Variants in MECOM observed in about 807,000 individuals in gnomAD.
MECOM encodes the protein MDS1 and EVI1 complex locus.
In MECOM, 13 loss-of-function variants were observed where a neutral mutation model predicts 116.3. The observed-to-expected ratio is 0.11, with a 90% CI of 0.07 to 0.18. The LOEUF is 0.18. Ranked by LOEUF, MECOM falls within the 10% of genes least tolerant of loss-of-function variation. MECOM has a pLI of 1.00. For synonymous variants in MECOM, 528 were observed against 535.2 expected, an observed-to-expected ratio of 0.99 and a Z score of 0.19; for missense variants, 1,299 against 1,509.0, an observed-to-expected ratio of 0.86 and a Z score of 2.31.
At chr3:169,454,362 T>G (rs997514190) in intron 1 of MECOM, among the ~76,000 whole-genome samples, 14 of 139,474 alleles carry the variant, frequency 1.0e-4, no homozygotes, top group Non-Finnish European at 1.8e-4. Context: ...TAGAAACTTA[T>G]GATGGTAATG....
At chr3:169,433,565 GAAGGAAGGAAGGAAAA>G (rs1370085083) in intron 1 of MECOM, among the ~76,000 whole-genome samples, 4 of 147,296 alleles carry the variant, frequency 2.7e-5, no homozygotes, top group Non-Finnish European at 6.0e-5. Context: ...AAAGAGGAAG[GAAGGAAGGAAGGAAAA>G]AAGGAAGGAA....
At chr3:169,175,537 A>G (rs1470924425) in intron 2 of MECOM, among the ~76,000 whole-genome samples, 1 of 152,184 alleles carries the variant, frequency 6.6e-6, no homozygotes, top group Non-Finnish European at 1.5e-5. Flanking sequence ...ATATGCAAAT[A>G]TTCCAAAATC....
chr3:169,205,670 G>T (rs916871837), intron 2 of MECOM, among the ~76,000 whole-genome samples: 56 of 152,288 alleles, frequency 3.7e-4, no homozygotes, highest in Middle Eastern at 3.4e-3. Flanking sequence ...TCAGGAAGAG[G>T]AAGATTGACA....
intron 10 of MECOM, among the ~76,000 whole-genome samples, chr3:169,104,472 A>G (rs1415170022): frequency 6.6e-6 from 1 of 152,200 alleles, no homozygotes; most frequent in Non-Finnish European, 1.5e-5. Context: ...GATTAGTACT[A>G]CTAACAAGCA....
At chr3:169,629,469 C>G (rs1001915826) in intron 1 of MECOM, among the ~76,000 whole-genome samples, 5 of 151,928 alleles carry the variant, frequency 3.3e-5, no homozygotes, top group African/African-American at 1.2e-4. Context: ...GCCCCATGTG[C>G]CCACCCCCAT....
intron 1 of MECOM, among the ~76,000 whole-genome samples, chr3:169,546,875 A>G (rs1416968888): frequency 2.6e-5 from 4 of 152,234 alleles, no homozygotes; most frequent in African/African-American, 9.6e-5. Flanking sequence ...GAGCTATCCA[A>G]TATGTGATGG....
chr3:169,567,377 G>A (rs1763365087), intron 1 of MECOM, among the ~76,000 whole-genome samples: 1 of 152,184 alleles, frequency 6.6e-6, no homozygotes, highest in Admixed American at 6.5e-5. Context: ...GCATGTGGCA[G>A]GACTTGGATT....
At chr3:169,141,113 C>T (rs1737970047) in intron 3 of MECOM, among the ~76,000 whole-genome samples, 1 of 152,008 alleles carries the variant, frequency 6.6e-6, no homozygotes, top group South Asian at 2.1e-4. Context: ...TCAATTTATA[C>T]ACTCTTGTTT....
chr3:169,141,357 T>C (rs888470314), intron 3 of MECOM, among the ~76,000 whole-genome samples: 1 of 152,016 alleles, frequency 6.6e-6, no homozygotes, highest in Non-Finnish European at 1.5e-5. Flanking sequence ...GACAGGTGAG[T>C]TGATGTCATT....
intron 2 of MECOM, among the ~76,000 whole-genome samples, chr3:169,380,442 ATAGTTACCT>A (rs1560201180): frequency 6.6e-6 from 1 of 152,194 alleles, no homozygotes; most frequent in Non-Finnish European, 1.5e-5. Context: ...GAAGAATAAC[ATAGTTACCT>A]GTCTTTATTG....
chr3:169,507,952 G>A (rs892242500), intron 1 of MECOM, among the ~76,000 whole-genome samples: 5 of 151,952 alleles, frequency 3.3e-5, no homozygotes, highest in East Asian at 1.9e-4. Context: ...GAGCCACCGC[G>A]CCCGGCCCCA....
At chr3:169,533,638 T>C (rs2109167262) in intron 1 of MECOM, among the ~76,000 whole-genome samples, 1 of 150,414 alleles carries the variant, frequency 6.6e-6, no homozygotes, top group Non-Finnish European at 1.5e-5. Flanking sequence ...CATTTCTCAC[T>C]TGCTTCTTCT....
chr3:169,626,782 C>T (rs1156767490), intron 1 of MECOM, among the ~76,000 whole-genome samples: 1 of 152,098 alleles, frequency 6.6e-6, no homozygotes, highest in Admixed American at 6.5e-5. Context: ...CTTTTCTCTG[C>T]TCCTTGACAA....
chr3:169,299,952 C>A (rs143405562), intron 2 of MECOM, among the ~76,000 whole-genome samples: 1 of 152,110 alleles, frequency 6.6e-6, no homozygotes, highest in Non-Finnish European at 1.5e-5. Context: ...CCTTCCATAT[C>A]ATTTCACTTT....
chr3:169,488,372 CA>C (rs758493062), intron 1 of MECOM, among the ~76,000 whole-genome samples: 10,660 of 62,472 alleles, frequency 0.17, 372 homozygotes, highest in Non-Finnish European at 0.18. Flanking sequence ...ACTAAAAATA[CA>C]AAAAAAAAAA....
At chr3:169,155,195 C>T (rs73167986) in intron 2 of MECOM, among the ~76,000 whole-genome samples, 10,823 of 152,240 alleles carry the variant, frequency 0.071, 499 homozygotes, top group South Asian at 0.19. Flanking sequence ...TAACACTATT[C>T]CCCCTTAGGA....
intron 2 of MECOM, among the ~76,000 whole-genome samples, chr3:169,290,009 C>G (rs1393953828): frequency 1.3e-5 from 2 of 152,088 alleles, no homozygotes; most frequent in Admixed American, 1.3e-4. Context: ...TGTAGCATTG[C>G]CCTTTAATGA....
At chr3:169,351,453 AT>A (rs1726331494) in intron 2 of MECOM, among the ~76,000 whole-genome samples, 1 of 151,890 alleles carries the variant, frequency 6.6e-6, no homozygotes, top group African/African-American at 2.4e-5. Context: ...TAAGAGAACT[AT>A]TCATTATGCT....
intron 1 of MECOM, among the ~76,000 whole-genome samples, chr3:169,530,921 T>C (rs1450698275): frequency 6.6e-6 from 1 of 151,590 alleles, no homozygotes; most frequent in East Asian, 1.9e-4. Context: ...TGATTTCAAA[T>C]AGAGGGAGTC....
Sources: gnomAD v4.1 joint callset for allele counts (sites outside exome capture counted in the v4.1 genomes callset) on GRCh38, gnomAD v4.1.1 for gene constraint, MANE v1.5 for transcripts, NCBI Gene and HGNC (gene_info 2026-07-23, HGNC 2026-07-21) for gene names.